The following ZNF496 variants were observed in gnomAD, a reference collection of about 807,000 sequenced individuals.
ZNF496 encodes the protein NSD1 (nuclear receptor binding SET-domain containing 1)-interacting zinc finger protein 1.
Under a neutral mutation model 58.9 loss-of-function variants are expected in ZNF496, and 11 were observed. That is an observed-to-expected ratio of 0.19 (90% CI 0.12 to 0.31). The LOEUF (loss-of-function observed/expected upper bound fraction) is 0.31. Ranked by LOEUF, ZNF496 falls within the 10% of genes least tolerant of loss-of-function variation. ZNF496 has a pLI of 1.00. For synonymous variants in ZNF496, 338 were observed against 318.2 expected (o/e 1.06, Z -0.66); for missense variants, 660 against 783.0 (o/e 0.84, Z 1.88).
intron 9 of ZNF496, chr1:247,306,996 A>T (rs1659435952): frequency 1.4e-6 from 1 of 721,538 alleles, no homozygotes; most frequent in African/African-American, 1.9e-5. Context: ...TAGGACATAA[A>T]GAAAACAAGT....
At chr1:247,306,556 T>G (rs1177556213) in intron 9 of ZNF496, among the ~76,000 whole-genome samples, 1 of 146,232 alleles carries the variant, frequency 6.8e-6, no homozygotes, top group Non-Finnish European at 1.5e-5. Flanking sequence ...TTGTCCAGAC[T>G]GGAGTGCAGT....
At chr1:247,325,657 A>G (rs1389354190) in intron 5 of ZNF496, among the ~76,000 whole-genome samples, 2 of 152,084 alleles carry the variant, frequency 1.3e-5, no homozygotes, top group African/African-American at 2.4e-5. Context: ...GATGTCTCCC[A>G]GAGGGGGTGT....
At chr1:247,312,838 C>A (rs558832365) in intron 6 of ZNF496, 9 of 152,270 alleles carry the variant, frequency 5.9e-5, no homozygotes, top group African/African-American at 1.7e-4. Context: ...CTACCCATTA[C>A]CCGGTTCCCA....
chr1:247,315,941 A>G (rs1294589529), intron 6 of ZNF496, among the ~76,000 whole-genome samples: 2 of 152,132 alleles, frequency 1.3e-5, no homozygotes, highest in Non-Finnish European at 2.9e-5. Flanking sequence ...GGAAGAGGTC[A>G]GTGTGGAAAA....
intron 6 of ZNF496, 157 bp from the exon 7 acceptor site, chr1:247,310,613 T>TCAAG: frequency 2.1e-6 from 2 of 959,248 alleles, no homozygotes; most frequent in Non-Finnish European, 3.0e-6. Flanking sequence ...ACGTCCAAGA[T>TCAAG]CAAGGTGCCA....
chr1:247,316,004 C>T (rs370023643), intron 6 of ZNF496, among the ~76,000 whole-genome samples: 1 of 152,138 alleles, frequency 6.6e-6, no homozygotes, highest in Admixed American at 6.5e-5. Context: ...CGGGAAGCCA[C>T]TGGATTTCAT....
chr1:247,306,995 A>G, intron 9 of ZNF496: 1 of 712,122 alleles, frequency 1.4e-6, no homozygotes, highest in Non-Finnish European at 1.7e-6. Flanking sequence ...TTAGGACATA[A>G]AGAAAACAAG....
At chr1:247,307,436 G>A in intron 9 of ZNF496, 2 of 985,440 alleles carry the variant, frequency 2.0e-6, no homozygotes, top group Non-Finnish European at 2.4e-6. Context: ...GGGGCTGAGA[G>A]ACATGCTATG....
At position 247,310,718 on chromosome 1, in the gene ZNF496, G is replaced by A. The variant is rs531617936; in HGVS notation, c.652-262C>T. On this transcript the variant is annotated intron_variant, in intron 6 of 9. Transcript: ENST00000682384. ...TGGAGAGGGCAAGGGAGTTCTCTGG[G>A]GCCTCTTTTAGGAGGGACTAATCCC... 6.1e-5 allele frequency: 25 copies of A among 411,294 alleles called. No individual in the cohort carries two copies. In the South Asian group the frequency reaches 9.5e-4, roughly 16 times the overall value. 25.5% of individuals were successfully genotyped at this position (411,294 alleles called of 1,614,324 possible). A position where few individuals can be genotyped will look rare whatever the true frequency, so the allele number is the denominator to read the frequency against.
intron 5 of ZNF496, among the ~76,000 whole-genome samples, chr1:247,328,245 G>A (rs187748816): frequency 1.2e-4 from 18 of 152,138 alleles, no homozygotes; most frequent in African/African-American, 3.6e-4. Flanking sequence ...ACATCTCTTC[G>A]CAGCATCACA....
intron 7 of ZNF496, chr1:247,310,070 T>C: frequency 3.5e-6 from 5 of 1,428,592 alleles, no homozygotes; most frequent in East Asian, 2.5e-5. Flanking sequence ...GGAAGAGAAA[T>C]GGACATACAG....
At chr1:247,310,147 A>G (rs1049059274) in intron 7 of ZNF496, 177 bp downstream of exon 7, 4 of 1,442,128 alleles carry the variant, frequency 2.8e-6, no homozygotes, top group African/African-American at 2.9e-5. Context: ...AATCGGACAC[A>G]CTGCCTGTAG....
At position 247,310,438 on chromosome 1, in the gene ZNF496, T is replaced by C. The variant is rs757657997; in HGVS notation, c.670A>G (p.Lys224Glu). 4 of 1,614,094 alleles carry C rather than the reference T, an allele frequency of 2.5e-6. No homozygotes were observed. The South Asian group carries it at 4.4e-5, about 18-fold the overall frequency. ...QLPPSRVSPF[K>E]DMILCFSEED... ...TCAGAGAAGCATAAAATCATGTCCT[T>C]GAATGGAGAAACCCGACTCTGAAAG... The change falls in exon 7 of 10, where the codon AAG (lysine) becomes GAG (glutamate). Residue 224 changes from lysine to glutamate, a missense_variant. Coordinates refer to ENST00000682384, the MANE Select transcript of ZNF496 (RefSeq NM_032752.3).
intron 6 of ZNF496, 76 bp from the exon 7 acceptor site, chr1:247,310,532 G>GACA (rs1348886110): frequency 2.5e-6 from 4 of 1,576,904 alleles, no homozygotes; most frequent in Non-Finnish European, 3.5e-6. Flanking sequence ...CTGAGGCTGT[G>GACA]ACAACACAAC....
chr1:247,302,168 A>G (rs1659263468), intron 9 of ZNF496, among the ~76,000 whole-genome samples: 1 of 152,052 alleles, frequency 6.6e-6, no homozygotes, highest in African/African-American at 2.4e-5. Context: ...ACTTGGGGGG[A>G]GTGAACCAGG....
chr1:247,330,340 C>T (rs767651403), intron 2 of ZNF496, among the ~76,000 whole-genome samples: 3 of 152,222 alleles, frequency 2.0e-5, no homozygotes, highest in Non-Finnish European at 4.4e-5. Context: ...CAATTCTGCC[C>T]TGACCTTCAA....
At chr1:247,306,150 T>C (rs956053178) in intron 9 of ZNF496, among the ~76,000 whole-genome samples, 6 of 151,954 alleles carry the variant, frequency 3.9e-5, no homozygotes, top group African/African-American at 1.2e-4. Context: ...GGTTTGGTAA[T>C]GTAGAGTAAA....
At chr1:247,306,496 C>T (rs1223977787) in intron 9 of ZNF496, among the ~76,000 whole-genome samples, 12 of 96,004 alleles carry the variant, frequency 1.2e-4, no homozygotes, top group South Asian at 3.4e-4. Flanking sequence ...TGCACCTGGC[C>T]GTTTTTTTTT....
chr1:247,325,990 C>A (rs1020558441), intron 5 of ZNF496, among the ~76,000 whole-genome samples: 37 of 151,354 alleles, frequency 2.4e-4, no homozygotes, highest in African/African-American at 9.0e-4. Flanking sequence ...CCTGTAATCC[C>A]AACACTTTGG....
Sources: gnomAD v4.1 joint callset for allele counts (sites outside exome capture counted in the v4.1 genomes callset) on GRCh38, gnomAD v4.1.1 for gene constraint, MANE v1.5 for transcripts, NCBI Gene and HGNC (gene_info 2026-07-23, HGNC 2026-07-21) for gene names.